Variants in PTPRU observed in about 807,000 individuals in gnomAD.
The protein encoded by PTPRU is receptor-type tyrosine-protein phosphatase U.
Under a neutral mutation model 166.3 loss-of-function variants are expected in PTPRU, and 69 were observed. That is an observed-to-expected ratio of 0.41 (90% confidence interval 0.34 to 0.51). The LOEUF is 0.51. Ranked by LOEUF, PTPRU falls within the 20% of genes least tolerant of loss-of-function variation. The pLI is 0.09. For missense variants in PTPRU, 1,657 were observed against 2,013.7 expected, an observed-to-expected ratio of 0.82 and a Z score of 3.39; for synonymous variants, 793 against 814.0, an observed-to-expected ratio of 0.97 and a Z score of 0.44.
intron 18 of PTPRU, among the ~76,000 whole-genome samples, chr1:29,309,904 TC>T (rs1167936244): frequency 6.6e-6 from 1 of 152,174 alleles, no homozygotes; most frequent in Non-Finnish European, 1.5e-5. Flanking sequence ...CAGTACTAAT[TC>T]CCCTTTCCGC....
At chr1:29,319,552 G>C (rs1271184848) in intron 25 of PTPRU, among the ~76,000 whole-genome samples, 1 of 152,246 alleles carries the variant, frequency 6.6e-6, no homozygotes, top group African/African-American at 2.4e-5. Flanking sequence ...AAGGAGCCCT[G>C]TTGGGCACCC....
At chr1:29,285,604 A>G (rs554969459) in intron 14 of PTPRU, among the ~76,000 whole-genome samples, 18 of 152,326 alleles carry the variant, frequency 1.2e-4, no homozygotes, top group African/African-American at 3.8e-4. Context: ...TAGGCTTTAG[A>G]ATTGTAGAGG....
rs377006123 is a variant in PTPRU, at chr1:29,305,303, G to C, written c.2744-49G>C. The C allele has an allele frequency of 5.1e-6, 8 of 1,577,908 alleles. No homozygotes were observed. In the African/African-American group the frequency reaches 6.7e-5, roughly 13 times the overall value. ...CCAGGAATCCCTCCCTGACTGCCTA[G>C]CTCTGGGCTCCCCAGTTCAGCCCCT... On this transcript the variant is annotated intron_variant, in intron 17 of 29. Coordinates refer to ENST00000373779, the MANE Select transcript of PTPRU (RefSeq NM_133178.4).
At position 29,279,315 on chromosome 1, in the gene PTPRU, C is replaced by A; in HGVS notation, c.1564-141C>A. 9.3e-7 allele frequency: 1 copy of A among 1,072,712 alleles called. No homozygotes were observed. 66.4% of individuals were successfully genotyped at this position (1,072,712 alleles called of 1,614,324 possible). A position where few individuals can be genotyped will look rare whatever the true frequency, so the allele number is the denominator to read the frequency against. On this transcript the variant is annotated intron_variant, in intron 9 of 29. Transcript: ENST00000373779. The surrounding 1 kb of genome is among the most constrained non-coding windows in gnomAD (Gnocchi z 5.2). ...AGGCAGGAGGGAGAGCCGAAGATGACTAGAAGCCTGGCTTGATGGCATCCA... is the reference window on the plus strand; with the variant it reads ...AGGCAGGAGGGAGAGCCGAAGATGAATAGAAGCCTGGCTTGATGGCATCCA...
chr1:29,272,035 T>C (rs1346143828), intron 7 of PTPRU, among the ~76,000 whole-genome samples: 1 of 151,980 alleles, frequency 6.6e-6, no homozygotes, highest in Non-Finnish European at 1.5e-5. Context: ...CCCAGGACAG[T>C]GCACACAGGG....
rs1384295445 is a variant in PTPRU at position 29,284,747 on chromosome 1, C to T, written c.2196C>T (p.Ser732=). The change falls in exon 14 of 30, where the codon AGC becomes AGT. Residue 732 remains serine, a synonymous_variant. Coordinates refer to ENST00000373779, the MANE Select transcript of PTPRU (RefSeq NM_133178.4). ...TCTCCCCAGCTGCCTGCAAGGAAAG[C>T]AAGCGGCCCCTGGAGGTGTCCCAGA... ...RIARKAACKE[S]KRPLEVSQRS... 1 of 1,613,968 alleles carries T rather than the reference C, an allele frequency of 6.2e-7. No individual in the cohort carries two copies. Among genetic ancestry groups the T allele is most frequent in the African/African-American group, 1.3e-5 (1 of 74,900 alleles).
chr1:29,247,219 T>C (rs1684338482), intron 1 of PTPRU, among the ~76,000 whole-genome samples: 1 of 152,264 alleles, frequency 6.6e-6, no homozygotes, highest in Admixed American at 6.5e-5. Context: ...CACGTAGCAC[T>C]GGGTGCCAGC....
At chr1:29,273,802 G>T (rs1396043952) in intron 7 of PTPRU, among the ~76,000 whole-genome samples, 1 of 152,042 alleles carries the variant, frequency 6.6e-6, no homozygotes, top group Non-Finnish European at 1.5e-5. Context: ...GGGGTAGCTC[G>T]CTCTCTCCTG....
Position 29,236,727 on chromosome 1 carries a change from C to T in PTPRU, c.73+10C>T. The T allele has an allele frequency of 7.0e-7, 1 of 1,426,094 alleles. No homozygotes were observed. The highest frequency in any genetic ancestry group is 1.5e-5 in the South Asian group (1 of 68,352). 88.3% of individuals were successfully genotyped at this position (1,426,094 alleles called of 1,614,324 possible). On this transcript the variant is annotated intron_variant, in intron 1 of 29. Coordinates refer to ENST00000373779, the MANE Select transcript of PTPRU (RefSeq NM_133178.4). This position sits in a 1 kb window ranked among gnomAD's most constrained non-coding sequence, Gnocchi z 4.6. The stretch of plus-strand genomic sequence containing the variant: ...ACCGAGACTCCGGCAGGTAAGCGCG[C>T]GGCGGCCGGACCGAGCCTGCCCCGC...
At chr1:29,269,527 G>T (rs1462905840) in intron 7 of PTPRU, among the ~76,000 whole-genome samples, 1 of 151,820 alleles carries the variant, frequency 6.6e-6, no homozygotes, top group East Asian at 1.9e-4. Flanking sequence ...CAGGGGCCTG[G>T]CAGACAGGGT....
chr1:29,252,888 CCTCCAATTCAGTT>C (rs1238230421), intron 1 of PTPRU, among the ~76,000 whole-genome samples: 2 of 152,168 alleles, frequency 1.3e-5, no homozygotes, highest in African/African-American at 4.8e-5. Flanking sequence ...AGGTGGGTGT[CCTCCAATTCAGTT>C]CTAGCACAAG....
At position 29,325,273 on chromosome 1, in the gene PTPRU, T is replaced by G. The variant is rs1688357099; in HGVS notation, c.4195T>G (p.Phe1399Val). ...CCGCTGCCACAACTTGGTGGACGTT[T>G]TCTTTGCTGCCAAAACCCTCCGGAA... ...MIRCHNLVDV[F>V]FAAKTLRNYK... The change falls in exon 29 of 30, where the codon TTC (phenylalanine) becomes GTC (valine). Residue 1399 changes from phenylalanine to valine, a missense_variant. Phe to Val is a conservative substitution (Grantham distance 50, BLOSUM62 -1). Around this residue, in one of 3 missense-constraint regions of PTPRU, gnomAD observed 1,190 missense variants for 1,477.4 expected, o/e 0.81. Coordinates refer to ENST00000373779, the MANE Select transcript of PTPRU (RefSeq NM_133178.4). 8.7e-6 allele frequency: 14 copies of G among 1,614,186 alleles called. No homozygotes were observed. The highest frequency in any genetic ancestry group is 1.2e-5 in the Non-Finnish European group (14 of 1,180,018).
chr1:29,259,788 G>A (rs916989158), intron 5 of PTPRU, 82 bp from the exon 6 acceptor site: 4 of 1,420,622 alleles, frequency 2.8e-6, no homozygotes, highest in Non-Finnish European at 3.7e-6. Flanking sequence ...TAGTAGGGAC[G>A]GCTAAATGGG....
At position 29,236,899 on chromosome 1, in the gene PTPRU, G is replaced by A. The variant is rs12041477; in HGVS notation, c.73+182G>A. 0.11 allele frequency among the ~76,000 whole-genome samples: 17,489 copies of A among 152,166 alleles called. 1,371 individuals are homozygous for A. Among genetic ancestry groups the A allele is most frequent in the East Asian group, 0.41 (2,090 of 5,128 alleles). ...GCGTGACTGCGAATGTTGTGTGTCCGTGAGTTCTGTGCGCAAGAAAAGGTG... is the reference window on the plus strand; with the variant it reads ...GCGTGACTGCGAATGTTGTGTGTCCATGAGTTCTGTGCGCAAGAAAAGGTG... On this transcript the variant is annotated intron_variant, in intron 1 of 29. Transcript: ENST00000373779. This position sits in a 1 kb window ranked among gnomAD's most constrained non-coding sequence, Gnocchi z 4.6.
intron 15 of PTPRU, among the ~76,000 whole-genome samples, chr1:29,293,943 G>A (rs1195880284): frequency 7.2e-5 from 11 of 152,162 alleles, no homozygotes; most frequent in Non-Finnish European, 1.5e-5. Context: ...TCTCTGATGC[G>A]TAGTTTCCCA....
In PTPRU at chr1:29,317,480, A is replaced by G. The variant is rs1411037615; in HGVS notation, c.3514-268A>G. Among the ~76,000 whole-genome samples the G allele has an allele frequency of 6.6e-6, 1 of 152,138 alleles. No homozygotes were observed. The highest frequency in any genetic ancestry group is 6.5e-5 in the Admixed American group (1 of 15,282). On this transcript the variant is annotated intron_variant, in intron 24 of 29. Transcript: ENST00000373779. This position sits in a 1 kb window ranked among gnomAD's most constrained non-coding sequence, Gnocchi z 5.6. The stretch of plus-strand genomic sequence containing the variant: ...ATATTACTTCCCTATTTCACAGTCG[A>G]GGAAACTGAGGCTGAGAGATGCAGT...
chr1:29,293,790 A>G (rs1467351311), intron 15 of PTPRU, among the ~76,000 whole-genome samples: 2 of 152,306 alleles, frequency 1.3e-5, no homozygotes, highest in East Asian at 3.9e-4. Flanking sequence ...GGGTAGTTTT[A>G]CCATGTGTAC....
At chr1:29,254,089 ACAT>A (rs1414755087) in intron 1 of PTPRU, among the ~76,000 whole-genome samples, 3 of 152,178 alleles carry the variant, frequency 2.0e-5, no homozygotes, top group African/African-American at 7.2e-5. Context: ...ATCCTCAGTC[ACAT>A]CATCTGTCAA....
chr1:29,247,616 C>T (rs1240515594), intron 1 of PTPRU, among the ~76,000 whole-genome samples: 4 of 152,178 alleles, frequency 2.6e-5, no homozygotes, highest in African/African-American at 9.7e-5. Flanking sequence ...GAACTCTTTG[C>T]ACCACTGCAC....
Sources: gnomAD v4.1 joint callset for allele counts (sites outside exome capture counted in the v4.1 genomes callset) on GRCh38, gnomAD v4.1.1 for gene constraint, gnomAD v4.1.1 regional missense constraint, Gnocchi (gnomAD v3.1) non-coding constraint, MANE v1.5 for transcripts, NCBI Gene and HGNC (gene_info 2026-07-23, HGNC 2026-07-21) for gene names.